TMEM204: variants seen among roughly 807,000 people sequenced by gnomAD.
The protein encoded by TMEM204 is claudin-like protein 24.
TMEM204 carries 15 observed loss-of-function variants against 19.4 expected under a neutral mutation model. The observed-to-expected ratio is 0.77, with a 90% CI of 0.52 to 1.19. TMEM204 has a LOEUF of 1.19. TMEM204 is among the 50% of genes most tolerant of loss of function. The probability of loss-of-function intolerance (pLI) is 0.00; values close to 1 mark genes in which losing one functional copy is unlikely to be tolerated. For missense variants in TMEM204, 287 were observed against 321.2 expected (o/e 0.89, Z 0.81); for synonymous variants, 161 against 146.0 (o/e 1.10, Z -0.74).
rs551350539 is a variant in TMEM204 at position 1,543,353 on chromosome 16, G to A, written c.436+1277G>A. On this transcript the variant is annotated intron_variant, in intron 2 of 2. Coordinates refer to ENST00000566264, the MANE Select transcript of TMEM204 (RefSeq NM_024600.6). Reference sequence around the variant, plus strand: ...ATTTCCAGAAGGAGGCTGACAGACTGTGGGGGCAGGTATTCCTGTGCTGGA... The same window carrying A: ...ATTTCCAGAAGGAGGCTGACAGACTATGGGGGCAGGTATTCCTGTGCTGGA... Among the ~76,000 whole-genome samples, 218 of 152,354 alleles carry A rather than the reference G, an allele frequency of 1.4e-3. 1 individual carries two copies. The highest frequency in any genetic ancestry group is 5.1e-3 in the African/African-American group (210 of 41,582).
At chr16:1,542,149 A>G in intron 2 of TMEM204, 73 bp downstream of exon 2, 1 of 1,441,982 alleles carries the variant, frequency 6.9e-7, no homozygotes, top group Non-Finnish European at 9.2e-7. Context: ...GAGGGTCCTG[A>G]GGCCTTGGGT....
At chr16:1,531,375 C>G (rs933213354), upstream of TMEM204, 1 of 152,218 alleles carries the variant, frequency 6.6e-6, no homozygotes, top group South Asian at 2.1e-4. The surrounding 1 kb of genome is among the most constrained non-coding windows in gnomAD (Gnocchi z 4.7). Flanking sequence ...GGCTGGCGAA[C>G]AGCGGCTTGA....
chr16:1,548,013 C>T (rs940853601), intron 2 of TMEM204, among the ~76,000 whole-genome samples: 4 of 152,238 alleles, frequency 2.6e-5, no homozygotes, highest in Non-Finnish European at 5.9e-5. Flanking sequence ...TTGGTACCCA[C>T]TCCCCAGGCA....
Position 1,539,476 on chromosome 16 carries a change from C to A in TMEM204, c.281-2445C>A, listed in dbSNP as rs114620995. ...CCAAGCACTCTGGCCCCACGGCCAC[C>A]TATGCCCATGCTGAGCCAGGTCCTC... is the stretch of plus-strand genomic sequence containing the variant. On this transcript the variant is annotated intron_variant, in intron 1 of 2. Coordinates refer to ENST00000566264, the MANE Select transcript of TMEM204 (RefSeq NM_024600.6). 7.1e-4 allele frequency among the ~76,000 whole-genome samples: 108 copies of A among 152,392 alleles called. 1 individual carries two copies. The highest frequency in any genetic ancestry group is 2.5e-3 in the African/African-American group (106 of 41,604).
At chr16:1,538,170 C>G (rs1322075602) in intron 1 of TMEM204, among the ~76,000 whole-genome samples, 1 of 152,198 alleles carries the variant, frequency 6.6e-6, no homozygotes. Context: ...TGCCTCCTTC[C>G]TGGCAGGGCG....
In TMEM204 at chr16:1,554,918, C is replaced by T. The variant is rs757833867; in HGVS notation, c.573C>T (p.Leu191=). 2.5e-6 allele frequency: 4 copies of T among 1,614,118 alleles called. No homozygotes were observed. In the Admixed American group the frequency reaches 5.0e-5, roughly 20 times the overall value. The change falls in exon 3 of 3, where the codon CTC becomes CTT. Residue 191 remains leucine, a synonymous_variant. Coordinates refer to ENST00000566264, the MANE Select transcript of TMEM204 (RefSeq NM_024600.6). ...LAAAMLIWNI[L]HKREDCMAPR... ...CAGCCATGCTCATCTGGAACATTCT[C>T]CACAAGAGGGAGGACTGCATGGCCC...
At chr16:1,550,749 C>G (rs185559314) in intron 2 of TMEM204, among the ~76,000 whole-genome samples, 147 of 152,372 alleles carry the variant, frequency 9.6e-4, no homozygotes, top group African/African-American at 3.4e-3. Flanking sequence ...CAAGGCCCTG[C>G]CAAATGCCAC....
intron 2 of TMEM204, among the ~76,000 whole-genome samples, chr16:1,544,216 C>T (rs2031934760): frequency 6.6e-6 from 1 of 150,610 alleles, no homozygotes; most frequent in African/African-American, 2.5e-5. Flanking sequence ...CGAAGTCTCA[C>T]TCTGTCACCC....
upstream of TMEM204, chr16:1,532,206 C>A (rs576981606): frequency 6.6e-6 from 1 of 152,316 alleles, no homozygotes; most frequent in Non-Finnish European, 1.5e-5. Context: ...CCCCGCACGC[C>A]CCGTCAGGTT....
Position 1,534,077 on chromosome 16 carries a change from G to T in TMEM204, c.-199G>T. 1 of 632,174 alleles carries T rather than the reference G, an allele frequency of 1.6e-6. No homozygotes were observed. Among genetic ancestry groups the T allele is most frequent in the Non-Finnish European group, 2.6e-6 (1 of 388,250 alleles). 39.2% of individuals were successfully genotyped at this position (632,174 alleles called of 1,614,324 possible). On this transcript the variant is annotated 5_prime_UTR_variant, in exon 1 of 3. Coordinates refer to ENST00000566264, the MANE Select transcript of TMEM204 (RefSeq NM_024600.6). ...GCAGCTTCAGCACAGGCCTGGCCCT[G>T]CTCCAGGTGCAGGAAGGAGGATAAG...
intron 1 of TMEM204, among the ~76,000 whole-genome samples, chr16:1,539,522 G>A (rs2031417319): frequency 6.6e-6 from 1 of 152,246 alleles, no homozygotes; most frequent in South Asian, 2.1e-4. Flanking sequence ...AGGCTTTCCC[G>A]CTGTCCGTAC....
Position 1,551,162 on chromosome 16 carries a change from C to T in TMEM204, c.437-3620C>T, listed in dbSNP as rs988036439. Among the ~76,000 whole-genome samples, 5 of 152,206 alleles carry T rather than the reference C, an allele frequency of 3.3e-5. No homozygotes were observed. The highest frequency in any genetic ancestry group is 2.9e-5 in the Non-Finnish European group (2 of 68,040). ...AAACGATTAACTCAAAAAGTAATTGCGGAGAGACTTCTGGGAAGCTGTGGT... is the reference window on the plus strand; with the variant it reads ...AAACGATTAACTCAAAAAGTAATTGTGGAGAGACTTCTGGGAAGCTGTGGT... On this transcript the variant is annotated intron_variant, in intron 2 of 2. Coordinates refer to ENST00000566264, the MANE Select transcript of TMEM204 (RefSeq NM_024600.6). This position sits in a 1 kb window ranked among gnomAD's most constrained non-coding sequence, Gnocchi z 4.0.
chr16:1,539,231 A>G (rs573864751), intron 1 of TMEM204, among the ~76,000 whole-genome samples: 3,179 of 148,826 alleles, frequency 0.021, 114 homozygotes, highest in African/African-American at 0.074. Context: ...CCCAAGCCTC[A>G]GGACTCACCA....
upstream of TMEM204, chr16:1,532,845 A>G (rs1376865572): frequency 6.6e-6 from 1 of 152,266 alleles, no homozygotes; most frequent in Non-Finnish European, 1.5e-5. Context: ...CCCTGGCAGC[A>G]TAAGCTCTGC....
chr16:1,551,477 G>A lies in TMEM204; in HGVS notation c.437-3305G>A, dbSNP rs2032631756. 6.6e-6 allele frequency among the ~76,000 whole-genome samples: 1 copy of A among 152,200 alleles called. No homozygotes were observed. Among genetic ancestry groups the A allele is most frequent in the African/African-American group, 2.4e-5 (1 of 41,440 alleles). On this transcript the variant is annotated intron_variant, in intron 2 of 2. Coordinates refer to ENST00000566264, the MANE Select transcript of TMEM204 (RefSeq NM_024600.6). The surrounding 1 kb of genome is among the most constrained non-coding windows in gnomAD (Gnocchi z 4.0). ...GCAGAAGGGCGGCCGCAGGTAGCAGGGGAGACCCTAAGGCGATGGGAGCCA... is the reference window on the plus strand; with the variant it reads ...GCAGAAGGGCGGCCGCAGGTAGCAGAGGAGACCCTAAGGCGATGGGAGCCA...
chr16:1,542,441 A>G (rs553739294), intron 2 of TMEM204, among the ~76,000 whole-genome samples: 25 of 152,092 alleles, frequency 1.6e-4, no homozygotes, highest in Non-Finnish European at 3.4e-4. Flanking sequence ...CCCTTCCTCA[A>G]TGCTGAGGCA....
intron 2 of TMEM204, among the ~76,000 whole-genome samples, chr16:1,547,769 C>T (rs943507463): frequency 6.6e-6 from 1 of 152,204 alleles, no homozygotes; most frequent in Non-Finnish European, 1.5e-5. Context: ...CTTCTGACCT[C>T]AGGTGATCCA....
Position 1,553,983 on chromosome 16 carries a change from C to T in TMEM204, c.437-799C>T. ...GCATCAGCGACTAACTAGACGGGAA[C>T]AAGCTGCGCCAACCAAGGGTTGCTC... On this transcript the variant is annotated intron_variant, in intron 2 of 2. Coordinates refer to ENST00000566264, the MANE Select transcript of TMEM204 (RefSeq NM_024600.6). The surrounding 1 kb of genome is among the most constrained non-coding windows in gnomAD (Gnocchi z 4.4). The T allele has an allele frequency of 2.3e-6, 3 of 1,287,242 alleles. No individual in the cohort carries two copies. The highest frequency in any genetic ancestry group is 1.2e-5 in the South Asian group (1 of 80,936). The allele number at this position is 1,287,242 out of a possible 1,614,324, so 79.7% of individuals were successfully genotyped here.
At chr16:1,529,017 G>A (rs1410149432), upstream of TMEM204, among the ~76,000 whole-genome samples, 1 of 152,212 alleles carries the variant, frequency 6.6e-6, no homozygotes, top group Non-Finnish European at 1.5e-5. Flanking sequence ...CGGTGCACTT[G>A]TGTCTGAGTC....
Sources: allele counts gnomAD v4.1 joint callset (sites outside exome capture counted in the v4.1 genomes callset), GRCh38; gene constraint gnomAD v4.1.1; non-coding constraint Gnocchi (gnomAD v3.1); transcripts MANE v1.5; gene names NCBI Gene and HGNC (gene_info 2026-07-23, HGNC 2026-07-21).